The following INPP4B variants were observed in gnomAD, a reference collection of about 807,000 sequenced individuals.
INPP4B encodes inositol polyphosphate 4-phosphatase type II.
INPP4B carries 55 observed loss-of-function variants against 122.5 expected under a neutral mutation model. The observed-to-expected ratio is 0.45, with a 90% CI of 0.36 to 0.56. The LOEUF is 0.56. Among genes scored for constraint, INPP4B ranks in the 20% least tolerant of loss-of-function variants. INPP4B has a pLI of 0.00. For missense variants in INPP4B, 1,000 were observed against 1,097.7 expected (o/e 0.91, Z 1.26); for synonymous variants, 403 against 388.7 (o/e 1.04, Z -0.43).
intron 2 of INPP4B, among the ~76,000 whole-genome samples, chr4:142,641,538 C>T (rs149281528): frequency 1.4e-3 from 213 of 151,508 alleles, no homozygotes; most frequent in Non-Finnish European, 2.0e-3. Flanking sequence ...TTTATCCTTG[C>T]GACAGTTTGC....
At chr4:142,414,785 T>C (rs1805325235) in intron 5 of INPP4B, among the ~76,000 whole-genome samples, 1 of 152,214 alleles carries the variant, frequency 6.6e-6, no homozygotes, top group Non-Finnish European at 1.5e-5. Context: ...TAAGCTGGCC[T>C]AGCACCGCCT....
intron 1 of INPP4B, among the ~76,000 whole-genome samples, chr4:142,750,666 G>T (rs574684353): frequency 6.6e-6 from 1 of 152,252 alleles, no homozygotes. Flanking sequence ...AGCAGGTGGT[G>T]CTGGTGCAGC....
intron 12 of INPP4B, among the ~76,000 whole-genome samples, chr4:142,218,980 C>A (rs1848370956): frequency 6.6e-6 from 1 of 152,084 alleles, no homozygotes; most frequent in Non-Finnish European, 1.5e-5. Flanking sequence ...GCCTACAATT[C>A]AAAATATCTG....
chr4:142,539,082 T>TTATA (rs58073799), intron 2 of INPP4B, among the ~76,000 whole-genome samples: 2,889 of 148,774 alleles, frequency 0.019, 80 homozygotes, highest in African/African-American at 0.064. Context: ...AATTGTTATT[T>TTATA]TATATATATA....
At chr4:142,537,177 G>A (rs987464375) in intron 2 of INPP4B, among the ~76,000 whole-genome samples, 4 of 151,778 alleles carry the variant, frequency 2.6e-5, no homozygotes, top group African/African-American at 9.7e-5. Flanking sequence ...CAAACTGAAA[G>A]CTTCAGAGTC....
chr4:142,681,720 C>G (rs1758648118), intron 2 of INPP4B, among the ~76,000 whole-genome samples: 1 of 151,690 alleles, frequency 6.6e-6, no homozygotes, highest in Admixed American at 6.6e-5. Flanking sequence ...GAAAAAATAG[C>G]AATAATAGGA....
intron 2 of INPP4B, among the ~76,000 whole-genome samples, chr4:142,541,859 C>A (rs1228080740): frequency 2.0e-5 from 3 of 152,154 alleles, no homozygotes; most frequent in Non-Finnish European, 4.4e-5. Context: ...CAGTGCCCAG[C>A]TCCTGCATTA....
chr4:142,151,046 A>G (rs1400931400), intron 17 of INPP4B, among the ~76,000 whole-genome samples: 1 of 152,184 alleles, frequency 6.6e-6, no homozygotes, highest in Non-Finnish European at 1.5e-5. Flanking sequence ...TCAGTGAATT[A>G]ACAAGGCCAA....
At chr4:142,693,718 A>G (rs1760580957) in intron 2 of INPP4B, among the ~76,000 whole-genome samples, 1 of 152,078 alleles carries the variant, frequency 6.6e-6, no homozygotes, top group African/African-American at 2.4e-5. Context: ...TACAATATTC[A>G]GGCCTAATGT....
intron 1 of INPP4B, among the ~76,000 whole-genome samples, chr4:142,814,395 T>C (rs2151132575): frequency 6.6e-6 from 1 of 152,296 alleles, no homozygotes; most frequent in Non-Finnish European, 1.5e-5. Flanking sequence ...GAAAAATGTG[T>C]CTATTTTTTC....
chr4:142,421,601 G>A (rs551481674), intron 5 of INPP4B, among the ~76,000 whole-genome samples: 7 of 152,062 alleles, frequency 4.6e-5, no homozygotes, highest in Non-Finnish European at 5.9e-5. Context: ...ATTTTACAGT[G>A]GAATTATAAG....
chr4:142,583,949 C>T (rs1735632619), intron 2 of INPP4B, among the ~76,000 whole-genome samples: 2 of 151,608 alleles, frequency 1.3e-5, no homozygotes, highest in Admixed American at 1.3e-4. Context: ...AAAATTAAAA[C>T]TTCAATCTCT....
rs1391650755 is a variant in INPP4B, at chr4:142,082,193, A to G, written c.2488-8T>C. On this transcript the variant is annotated splice_polypyrimidine_tract_variant and splice_region_variant and intron_variant, in intron 24 of 25. Transcript: ENST00000262992. ...ATTCAGTTTGCGGCAAATCTGTAAC[A>G]TATGTAAGAACGAACGTTTCTTGTT... 3.3e-6 allele frequency: 5 copies of G among 1,497,996 alleles called. No individual in the cohort carries two copies. The South Asian group carries it at 5.5e-5, about 16-fold the overall frequency. 92.8% of individuals were successfully genotyped at this position (1,497,996 alleles called of 1,614,324 possible).
chr4:142,549,698 C>G (rs1001826670), intron 2 of INPP4B, among the ~76,000 whole-genome samples: 1 of 152,066 alleles, frequency 6.6e-6, no homozygotes, highest in African/African-American at 2.4e-5. Context: ...AGAACTCATT[C>G]CTTGGATGGT....
chr4:142,514,792 CTTTTTTTTTTT>C (rs3078620), intron 2 of INPP4B, among the ~76,000 whole-genome samples: 1 of 121,780 alleles, frequency 8.2e-6, no homozygotes, highest in Admixed American at 8.8e-5. Context: ...ACCATGATTT[CTTTTTTTTTTT>C]TTTTTTTTTT....
chr4:142,655,128 T>A (rs1753882824), intron 2 of INPP4B, among the ~76,000 whole-genome samples: 1 of 152,290 alleles, frequency 6.6e-6, no homozygotes, highest in East Asian at 1.9e-4. Flanking sequence ...ATAGTTTCAG[T>A]AGTTAACATT....
intron 1 of INPP4B, among the ~76,000 whole-genome samples, chr4:142,769,111 T>C (rs1772613308): frequency 1.3e-5 from 2 of 152,198 alleles, no homozygotes; most frequent in African/African-American, 4.8e-5. Context: ...ATCATGTTCC[T>C]GAGATGACCC....
intron 2 of INPP4B, among the ~76,000 whole-genome samples, chr4:142,531,516 C>T (rs1176978896): frequency 6.6e-6 from 1 of 151,176 alleles, no homozygotes; most frequent in Non-Finnish European, 1.5e-5. Context: ...CATGTAGCTG[C>T]CTGTGGACAT....
intron 2 of INPP4B, among the ~76,000 whole-genome samples, chr4:142,481,382 T>C (rs1025380720): frequency 1.3e-5 from 2 of 152,008 alleles, no homozygotes; most frequent in Admixed American, 6.6e-5. Context: ...ACTACACTAT[T>C]ACAAACCCCT....
Sources: gnomAD v4.1 joint callset for allele counts (sites outside exome capture counted in the v4.1 genomes callset) on GRCh38, gnomAD v4.1.1 for gene constraint, MANE v1.5 for transcripts, NCBI Gene and HGNC (gene_info 2026-07-23, HGNC 2026-07-21) for gene names.